CORIN: variants seen among roughly 807,000 people sequenced by gnomAD.
CORIN encodes the protein atrial natriuretic peptide-converting enzyme.
Under a neutral mutation model 125.3 loss-of-function variants are expected in CORIN, and 117 were observed. The ratio of observed to expected loss-of-function variants is 0.93; its 90% CI spans 0.80 to 1.09. The LOEUF (loss-of-function observed/expected upper bound fraction) is 1.09. Among genes scored for constraint, CORIN ranks in the 50% least tolerant of loss-of-function variants. CORIN has a pLI of 0.00. For synonymous variants in CORIN, 450 were observed against 466.4 expected (o/e 0.96, Z 0.45); for missense variants, 1,253 against 1,306.7 (o/e 0.96, Z 0.63).
intron 5 of CORIN, among the ~76,000 whole-genome samples, chr4:47,702,962 A>T (rs1338675950): frequency 6.6e-6 from 1 of 152,056 alleles, no homozygotes; most frequent in East Asian, 1.9e-4. Flanking sequence ...ATACATGTGC[A>T]GAACGTGCAG....
In CORIN at chr4:47,744,566, C is replaced by A. The variant is rs1728574371; in HGVS notation, c.635G>T (p.Cys212Phe). 2 of 1,603,564 alleles carry A rather than the reference C, an allele frequency of 1.2e-6. No homozygotes were observed. The highest frequency in any genetic ancestry group is 1.7e-6 in the Non-Finnish European group (2 of 1,176,018). Reference protein sequence around the residue: ...DGDDSHGLLPCRSFCEAAKEG... With the variant: ...DGDDSHGLLPFRSFCEAAKEG... Reference sequence around the variant, plus strand: ...TTTTGCAGCCTCACAGAAGGACCTACAGGGCAGGAGTCCATGACTAAAAAA... The same window carrying A: ...TTTTGCAGCCTCACAGAAGGACCTAAAGGGCAGGAGTCCATGACTAAAAAA... Residue 212 changes from cysteine to phenylalanine, a missense_variant, in exon 5 of 22, where the codon TGT becomes TTT. Transcript: ENST00000273857.
At chr4:47,705,847 C>T (rs1011697452) in intron 5 of CORIN, among the ~76,000 whole-genome samples, 2 of 152,106 alleles carry the variant, frequency 1.3e-5, no homozygotes, top group African/African-American at 4.8e-5. Context: ...TGAAGTGCCC[C>T]CCGTGTGTAA....
intron 2 of CORIN, among the ~76,000 whole-genome samples, chr4:47,802,680 G>A (rs1263648587): frequency 6.6e-6 from 1 of 152,204 alleles, no homozygotes; most frequent in African/African-American, 2.4e-5. Context: ...CTGAGGCCTG[G>A]GGGAGCTCAC....
At position 47,595,310 on chromosome 4, in the gene CORIN, T is replaced by G. The variant is rs964010637; in HGVS notation, c.*411A>C. 2.0e-5 allele frequency: 3 copies of G among 153,460 alleles called. No individual in the cohort carries two copies. The highest frequency in any genetic ancestry group is 7.2e-5 in the African/African-American group (3 of 41,476). The allele number at this position is 153,460 out of a possible 1,614,324, so 9.5% of individuals were successfully genotyped here. On this transcript the variant is annotated 3_prime_UTR_variant, in exon 22 of 22. Coordinates refer to ENST00000273857, the MANE Select transcript of CORIN (RefSeq NM_006587.4). ...TGAAATTTACCACTATGCACTGAGC[T>G]TGAGAAACAAAAACTGGTAGAGATA...
intron 5 of CORIN, among the ~76,000 whole-genome samples, chr4:47,720,996 T>C (rs1208943694): frequency 1.3e-5 from 2 of 152,188 alleles, no homozygotes; most frequent in East Asian, 3.9e-4. Context: ...CCTCAGTCCA[T>C]TCAGGCTGCT....
At chr4:47,796,324 G>A (rs1254108090) in intron 2 of CORIN, among the ~76,000 whole-genome samples, 3 of 151,976 alleles carry the variant, frequency 2.0e-5, no homozygotes, top group South Asian at 2.1e-4. Flanking sequence ...GATGAACCTG[G>A]GGGCCATTAT....
intron 4 of CORIN, among the ~76,000 whole-genome samples, chr4:47,745,011 T>C (rs1045593138): frequency 6.6e-6 from 1 of 152,156 alleles, no homozygotes; most frequent in African/African-American, 2.4e-5. Flanking sequence ...TATCTCTGAG[T>C]GGCAGCAGAG....
intron 5 of CORIN, among the ~76,000 whole-genome samples, chr4:47,728,766 G>A (rs1238128428): frequency 1.3e-5 from 2 of 152,182 alleles, no homozygotes; most frequent in African/African-American, 4.8e-5. Flanking sequence ...TTGACAAAAT[G>A]AAGATGGTCT....
rs1270887149 is a variant in CORIN at position 47,645,124 on chromosome 4, A to G, written c.1914T>C (p.Asp638=). ...KQCLKHTVIC[D]GFPDCPDYMD... ...TGTAATCAGGGCAGTCTGGGAACCCATCGCAGATCACTGTGTGCTTCAAAC... is the reference window on the plus strand; with the variant it reads ...TGTAATCAGGGCAGTCTGGGAACCCGTCGCAGATCACTGTGTGCTTCAAAC... The change falls in exon 14 of 22, where the codon GAT becomes GAC. Residue 638 remains aspartate (D), a synonymous_variant. Transcript: ENST00000273857. 1.2e-6 allele frequency: 2 copies of G among 1,613,220 alleles called. No individual in the cohort carries two copies. Among genetic ancestry groups the G allele is most frequent in the African/African-American group, 1.3e-5 (1 of 75,050 alleles).
intron 5 of CORIN, among the ~76,000 whole-genome samples, chr4:47,737,655 C>T (rs1257857425): frequency 6.6e-6 from 1 of 152,218 alleles, no homozygotes; most frequent in Non-Finnish European, 1.5e-5. Context: ...AACACAAAGG[C>T]TGAAGCTTAA....
intron 4 of CORIN, among the ~76,000 whole-genome samples, chr4:47,749,377 A>G (rs1256111096): frequency 6.6e-6 from 1 of 152,188 alleles, no homozygotes; most frequent in African/African-American, 2.4e-5. Context: ...GGAGACCCAC[A>G]TGGCAAGGAT....
At chr4:47,642,549 T>C (rs937190742) in intron 15 of CORIN, among the ~76,000 whole-genome samples, 3 of 152,214 alleles carry the variant, frequency 2.0e-5, no homozygotes, top group African/African-American at 7.2e-5. Context: ...CGCTGCACAA[T>C]TGATCACAAC....
chr4:47,790,550 C>T (rs1434156921), intron 2 of CORIN, among the ~76,000 whole-genome samples: 9 of 152,112 alleles, frequency 5.9e-5, no homozygotes, highest in Admixed American at 5.2e-4. Context: ...AACAAGAGCC[C>T]AGCTTTTAGG....
At chr4:47,754,439 A>G (rs911929602) in intron 4 of CORIN, among the ~76,000 whole-genome samples, 3 of 152,258 alleles carry the variant, frequency 2.0e-5, no homozygotes, top group African/African-American at 7.2e-5. Context: ...GGTAACAGCA[A>G]CAGTGCTCAT....
In CORIN at chr4:47,661,792, G is replaced by A; in HGVS notation, c.1654C>T (p.Pro552Ser). 1 of 1,613,496 alleles carries A rather than the reference G, an allele frequency of 6.2e-7. No individual in the cohort carries two copies. Among genetic ancestry groups the A allele is most frequent in the Non-Finnish European group, 8.5e-7 (1 of 1,179,664 alleles). ...SVLGIVGLQW[P>S]EDTDCSQFPE... ...AATTGACTGCAATCTGTGTCTTCAG[G>A]CCACTGTAGGCCCACAATCCCAAGA... Residue 552 changes from proline (P) to serine (S), a missense_variant, in exon 12 of 22, where the codon CCT (proline) becomes TCT (serine). Transcript: ENST00000273857.
chr4:47,626,811 A>G (rs1043016158), intron 16 of CORIN, among the ~76,000 whole-genome samples: 67 of 152,340 alleles, frequency 4.4e-4, no homozygotes, highest in South Asian at 2.1e-4. Flanking sequence ...AATAAAATGT[A>G]TCTAGCTAGG....
intron 10 of CORIN, among the ~76,000 whole-genome samples, chr4:47,672,437 T>C (rs1312336607): frequency 6.6e-6 from 1 of 152,194 alleles, no homozygotes; most frequent in East Asian, 1.9e-4. Flanking sequence ...TTGAGTCTAA[T>C]AGTAAGTGTC....
chr4:47,817,842 G>C (rs1328200376), intron 1 of CORIN, among the ~76,000 whole-genome samples: 1 of 152,028 alleles, frequency 6.6e-6, no homozygotes, highest in African/African-American at 2.4e-5. Context: ...AGTTCACTCT[G>C]GATTTGTTAA....
intron 3 of CORIN, among the ~76,000 whole-genome samples, chr4:47,773,079 C>T (rs188519762): frequency 3.2e-3 from 482 of 152,018 alleles, no homozygotes; most frequent in Non-Finnish European, 5.4e-3. Flanking sequence ...CGTATTGAGT[C>T]TCTACTATAC....
Sources: gnomAD v4.1 joint callset for allele counts (sites outside exome capture counted in the v4.1 genomes callset) on GRCh38, gnomAD v4.1.1 for gene constraint, MANE v1.5 for transcripts, NCBI Gene and HGNC (gene_info 2026-07-23, HGNC 2026-07-21) for gene names.